Variants in RASGEF1A observed in about 807,000 individuals in gnomAD.
RASGEF1A encodes the protein RasGEF domain family member 1A, also known as ras-GEF domain-containing family member 1A.
Under a neutral mutation model 56.4 loss-of-function variants are expected in RASGEF1A, and 18 were observed. The ratio of observed to expected loss-of-function variants is 0.32; its 90% confidence interval spans 0.22 to 0.47. The LOEUF is 0.47. Among genes scored for constraint, RASGEF1A ranks in the 20% least tolerant of loss-of-function variants. The pLI is 1.00. For synonymous variants in RASGEF1A, 245 were observed against 242.6 expected (o/e 1.01, Z -0.09); for missense variants, 422 against 627.1 (o/e 0.67, Z 3.49).
Position 43,200,811 on chromosome 10 carries a change from G to A in RASGEF1A, c.537C>T (p.Leu179=), listed in dbSNP as rs1839884369. Residue 179 remains leucine, a synonymous_variant, in exon 5 of 13, where the codon CTC becomes CTT. Coordinates refer to ENST00000395810, the MANE Select transcript of RASGEF1A (RefSeq NM_145313.4). ...GCCGGAGCTTCTCTCGCAGTTCCTG[G>A]AGCTGGCTCCGGGCAGCCAAGGACA... is the stretch of plus-strand genomic sequence containing the variant. ...LLLSLAARSQ[L]QELREKLRPP... is the part of the protein sequence containing the mutation. 1 of 1,613,810 alleles carries A rather than the reference G, an allele frequency of 6.2e-7. No homozygotes were observed. Among genetic ancestry groups the A allele is most frequent in the Admixed American group, 1.7e-5 (1 of 60,008 alleles).
chr10:43,199,641 G>C (rs1839860841), intron 7 of RASGEF1A, 35 bp downstream of exon 7: 1 of 1,560,414 alleles, frequency 6.4e-7, no homozygotes, highest in South Asian at 1.1e-5. Flanking sequence ...TGTGGGCATG[G>C]CAGCCACCCC....
Position 43,263,016 on chromosome 10 carries a change from C to A in RASGEF1A, c.-7+3829G>T, listed in dbSNP as rs140666744. Among the ~76,000 whole-genome samples the A allele has an allele frequency of 6.6e-5, 10 of 152,228 alleles. No homozygotes were observed. In the East Asian group the frequency reaches 1.9e-3, roughly 29 times the overall value. ...GCTCAGATGGGGAACCTGGGGCAGG[C>A]AAGGTTCAGGGGCGTGATGATGTGC... On this transcript the variant is annotated intron_variant, in intron 1 of 12. Coordinates refer to ENST00000395810, the MANE Select transcript of RASGEF1A (RefSeq NM_145313.4).
chr10:43,211,734 C>T (rs1840071481), intron 1 of RASGEF1A, among the ~76,000 whole-genome samples: 1 of 152,164 alleles, frequency 6.6e-6, no homozygotes, highest in South Asian at 2.1e-4. Flanking sequence ...CTTGTCCACA[C>T]CCCCGCACAC....
At chr10:43,217,767 G>A (rs143984128) in intron 1 of RASGEF1A, among the ~76,000 whole-genome samples, 109 of 152,272 alleles carry the variant, frequency 7.2e-4, no homozygotes, top group Non-Finnish European at 1.2e-3. Context: ...TCCCACAACC[G>A]GGCTGCATCC....
chr10:43,229,827 C>A (rs896012457), intron 1 of RASGEF1A: 3 of 1,034,064 alleles, frequency 2.9e-6, no homozygotes, highest in South Asian at 2.9e-5. Flanking sequence ...GGCTGGGGAC[C>A]GCGGGGTCCG....
intron 1 of RASGEF1A, among the ~76,000 whole-genome samples, chr10:43,242,362 CA>C (rs370723343): frequency 1.3e-5 from 2 of 152,192 alleles, no homozygotes; most frequent in African/African-American, 4.8e-5. Flanking sequence ...TCCCAAAATT[CA>C]AGAAGCAAAA....
chr10:43,248,788 G>A (rs1305599128), intron 1 of RASGEF1A, among the ~76,000 whole-genome samples: 1 of 152,132 alleles, frequency 6.6e-6, no homozygotes, highest in African/African-American at 2.4e-5. Flanking sequence ...GTATCTTGAG[G>A]GCTTAGGGTT....
intron 1 of RASGEF1A, among the ~76,000 whole-genome samples, chr10:43,214,241 T>C (rs1241179692): frequency 6.6e-6 from 1 of 152,174 alleles, no homozygotes; most frequent in Non-Finnish European, 1.5e-5. Context: ...GTGCGTGTCG[T>C]CTTCCCGTGC....
intron 1 of RASGEF1A, among the ~76,000 whole-genome samples, chr10:43,218,175 T>C (rs999235158): frequency 9.2e-5 from 14 of 152,362 alleles, no homozygotes; most frequent in East Asian, 1.9e-4. Flanking sequence ...TGCAGAGCAC[T>C]AGCGGTCCTA....
intron 1 of RASGEF1A, among the ~76,000 whole-genome samples, chr10:43,253,100 G>A (rs903847565): frequency 4.6e-5 from 7 of 152,160 alleles, no homozygotes; most frequent in South Asian, 4.1e-4. Flanking sequence ...GCCCACAGGC[G>A]GGGGTGCCCC....
intron 5 of RASGEF1A, 26 bp from the exon 6 acceptor site, chr10:43,200,282 G>C: frequency 1.3e-6 from 2 of 1,580,132 alleles, no homozygotes; most frequent in Non-Finnish European, 1.7e-6. Context: ...GCAAAGGGAA[G>C]GTGACAAGCT....
chr10:43,195,917 AT>A lies in RASGEF1A; in HGVS notation c.*326del. On this transcript the variant is annotated 3_prime_UTR_variant, in exon 13 of 13. Coordinates refer to ENST00000395810, the MANE Select transcript of RASGEF1A (RefSeq NM_145313.4). The surrounding 1 kb of genome is among the most constrained non-coding windows in gnomAD (Gnocchi z 4.2). ...TGGTTTTGGCTGGGTTTTTTAAAAT[AT>A]TTTTTTCATAAGATGTTAATAATCA... The A allele has an allele frequency of 5.5e-6, 1 of 181,228 alleles. No individual in the cohort carries two copies. Among genetic ancestry groups the A allele is most frequent in the Non-Finnish European group, 1.1e-5 (1 of 87,122 alleles). The allele number at this position is 181,228 out of a possible 1,614,324, so 11.2% of individuals were successfully genotyped here.
At chr10:43,216,467 G>A (rs899850933) in intron 1 of RASGEF1A, among the ~76,000 whole-genome samples, 3 of 152,250 alleles carry the variant, frequency 2.0e-5, no homozygotes, top group African/African-American at 7.2e-5. Flanking sequence ...CAATTTGTAA[G>A]TGAAGTGCTT....
intron 1 of RASGEF1A, among the ~76,000 whole-genome samples, chr10:43,263,304 C>T (rs576336876): frequency 6.6e-6 from 1 of 152,158 alleles, no homozygotes; most frequent in South Asian, 2.1e-4. Flanking sequence ...AGAAGACATC[C>T]CTGGACTGAA....
intron 1 of RASGEF1A, among the ~76,000 whole-genome samples, chr10:43,211,296 G>A (rs908846162): frequency 2.6e-5 from 4 of 152,128 alleles, no homozygotes; most frequent in African/African-American, 9.7e-5. Context: ...TGGCTCTCTG[G>A]GGGCACCATT....
intron 6 of RASGEF1A, 35 bp downstream of exon 6, chr10:43,200,147 G>T: frequency 6.5e-7 from 1 of 1,536,184 alleles, no homozygotes; most frequent in South Asian, 1.2e-5. Flanking sequence ...GGCAGACAGG[G>T]CTGGCAGGGG....
At chr10:43,220,742 G>T (rs1009985302) in intron 1 of RASGEF1A, among the ~76,000 whole-genome samples, 2 of 149,498 alleles carry the variant, frequency 1.3e-5, no homozygotes, top group Non-Finnish European at 3.0e-5. Flanking sequence ...CTGAGATCAC[G>T]CCACTGCACT....
intron 2 of RASGEF1A, among the ~76,000 whole-genome samples, chr10:43,205,459 TCTC>T (rs1839979277): frequency 6.6e-6 from 1 of 152,100 alleles, no homozygotes; most frequent in Admixed American, 6.5e-5. Context: ...GGCCGGGCCA[TCTC>T]CTCTTCATTC....
intron 1 of RASGEF1A, among the ~76,000 whole-genome samples, chr10:43,255,348 G>A (rs971677018): frequency 4.6e-5 from 7 of 152,082 alleles, no homozygotes; most frequent in African/African-American, 9.7e-5. Flanking sequence ...GGGCCTGGAC[G>A]GCTCCAGGAT....
Sources: allele counts gnomAD v4.1 joint callset (sites outside exome capture counted in the v4.1 genomes callset), GRCh38; gene constraint gnomAD v4.1.1; non-coding constraint Gnocchi (gnomAD v3.1); transcripts MANE v1.5; gene names NCBI Gene and HGNC (gene_info 2026-07-23, HGNC 2026-07-21).